The following CCDC6 variants were observed in gnomAD, a reference collection of about 807,000 sequenced individuals.
CCDC6 encodes coiled-coil domain-containing protein 6.
Under a neutral mutation model 56.6 loss-of-function variants are expected in CCDC6, and 20 were observed. The observed-to-expected ratio is 0.35, with a 90% CI of 0.25 to 0.51. CCDC6 has a LOEUF of 0.51. CCDC6 is among the 20% of genes least tolerant of loss of function. CCDC6 has a pLI of 0.95. For synonymous variants in CCDC6, 241 were observed against 234.4 expected, an observed-to-expected ratio of 1.03 and a Z score of -0.26; for missense variants, 367 against 601.1, an observed-to-expected ratio of 0.61 and a Z score of 4.07.
At chr10:59,886,639 A>G (rs866677563) in intron 1 of CCDC6, among the ~76,000 whole-genome samples, 1 of 152,246 alleles carries the variant, frequency 6.6e-6, no homozygotes, top group African/African-American at 2.4e-5. Context: ...TGACATCAAG[A>G]AACCATAAAA....
Position 59,798,991 on chromosome 10 carries a change from CAAAAAA to C in CCDC6, c.1106-4400_1106-4395del, listed in dbSNP as rs34505959. 1.7e-3 allele frequency among the ~76,000 whole-genome samples: 129 copies of C among 76,980 alleles called. 1 individual carries two copies. Among genetic ancestry groups the C allele is most frequent in the African/African-American group, 5.5e-3 (124 of 22,720 alleles). The allele number at this position is 76,980 out of a possible 152,430, so 50.5% of individuals were successfully genotyped here. A position where few individuals can be genotyped will look rare whatever the true frequency, so the allele number is the denominator to read the frequency against. ...CCTGCGCGACAGAGCAAGACTGTTTCAAAAAAAAAAAAAAAAAAAAAAAAAGTGGAT... is the reference window on the plus strand; with the variant it reads ...CCTGCGCGACAGAGCAAGACTGTTTCAAAAAAAAAAAAAAAAAAAGTGGAT... On this transcript the variant is annotated intron_variant, in intron 7 of 8. Transcript: ENST00000263102.
intron 7 of CCDC6, among the ~76,000 whole-genome samples, chr10:59,795,886 T>C (rs893014384): frequency 6.6e-6 from 1 of 152,110 alleles, no homozygotes; most frequent in Admixed American, 6.6e-5. Context: ...TTGTTGGACA[T>C]TTGGGTTGGT....
chr10:59,864,145 G>A (rs1449848133), intron 1 of CCDC6, among the ~76,000 whole-genome samples: 1 of 152,074 alleles, frequency 6.6e-6, no homozygotes, highest in Non-Finnish European at 1.5e-5. Flanking sequence ...TCTGAATCTG[G>A]GTCCTAAAAG....
At chr10:59,844,797 G>A (rs919383041) in intron 2 of CCDC6, among the ~76,000 whole-genome samples, 1 of 151,120 alleles carries the variant, frequency 6.6e-6, no homozygotes, top group African/African-American at 2.4e-5. Context: ...TTAGGCTCTG[G>A]CATATTGAAA....
chr10:59,898,563 T>C (rs2071480902), intron 1 of CCDC6, among the ~76,000 whole-genome samples: 1 of 152,294 alleles, frequency 6.6e-6, no homozygotes, highest in South Asian at 2.1e-4. Flanking sequence ...CACTGCACAA[T>C]CCCCAAGGCT....
chr10:59,804,709 C>A, intron 6 of CCDC6, 189 bp from the exon 7 acceptor site: 1 of 544,388 alleles, frequency 1.8e-6, no homozygotes, highest in Non-Finnish European at 3.3e-6. Flanking sequence ...TGACAAACCT[C>A]ACTCCAAGGG....
At chr10:59,840,025 C>T (rs1439504291) in intron 2 of CCDC6, among the ~76,000 whole-genome samples, 1 of 152,116 alleles carries the variant, frequency 6.6e-6, no homozygotes, top group East Asian at 1.9e-4. Context: ...GGGGTTTCAC[C>T]ATGTTGGCCA....
At chr10:59,890,578 T>C (rs2071414426) in intron 1 of CCDC6, among the ~76,000 whole-genome samples, 1 of 152,160 alleles carries the variant, frequency 6.6e-6, no homozygotes, top group Non-Finnish European at 1.5e-5. Context: ...AGTCACATCA[T>C]TTATCCCCAA....
At chr10:59,797,101 C>G (rs1238574318) in intron 7 of CCDC6, among the ~76,000 whole-genome samples, 1 of 151,904 alleles carries the variant, frequency 6.6e-6, no homozygotes, top group African/African-American at 2.4e-5. Flanking sequence ...CCATATGCAA[C>G]AACATATATT....
At chr10:59,902,956 T>C (rs1478815826) in intron 1 of CCDC6, among the ~76,000 whole-genome samples, 2 of 152,138 alleles carry the variant, frequency 1.3e-5, no homozygotes, top group Admixed American at 1.3e-4. Context: ...AAGAGATAAA[T>C]TATGATACAT....
chr10:59,902,448 C>G (rs1403112595), intron 1 of CCDC6, among the ~76,000 whole-genome samples: 1 of 133,218 alleles, frequency 7.5e-6, no homozygotes, highest in East Asian at 2.2e-4. Context: ...GACTGGAGTG[C>G]AGTGGTGCGA....
At chr10:59,834,922 C>T (rs1322669234) in intron 2 of CCDC6, among the ~76,000 whole-genome samples, 1 of 152,190 alleles carries the variant, frequency 6.6e-6, no homozygotes, top group Non-Finnish European at 1.5e-5. Flanking sequence ...TTCATCTGCG[C>T]CTAAGGCTTT....
At chr10:59,853,825 T>C (rs970193652) in intron 1 of CCDC6, among the ~76,000 whole-genome samples, 22 of 152,154 alleles carry the variant, frequency 1.4e-4, no homozygotes, top group African/African-American at 5.3e-4. Flanking sequence ...CATTATTCAA[T>C]GGAGATGAAA....
At chr10:59,795,251 C>T (rs529006050) in intron 7 of CCDC6, among the ~76,000 whole-genome samples, 3 of 152,090 alleles carry the variant, frequency 2.0e-5, no homozygotes, top group South Asian at 4.2e-4. Context: ...TAAGTAACTC[C>T]TATGACTCAA....
At position 59,792,449 on chromosome 10, in the gene CCDC6, C is replaced by A; in HGVS notation, c.*468G>T. The A allele has an allele frequency of 2.3e-6, 1 of 431,572 alleles. No individual in the cohort carries two copies. Among genetic ancestry groups the A allele is most frequent in the Middle Eastern group, 4.8e-4 (1 of 2,086 alleles). 26.7% of individuals were successfully genotyped at this position (431,572 alleles called of 1,614,324 possible). On this transcript the variant is annotated 3_prime_UTR_variant, in exon 9 of 9. Coordinates refer to ENST00000263102, the MANE Select transcript of CCDC6 (RefSeq NM_005436.5). ...CACTGAAAGCCAGATTTTCAAAGGTCTGAATTGTAGTGCTGAATTATTGGT... is the reference window on the plus strand; with the variant it reads ...CACTGAAAGCCAGATTTTCAAAGGTATGAATTGTAGTGCTGAATTATTGGT...
rs80016412 is a variant in CCDC6 at position 59,795,082 on chromosome 10, C to CA, written c.1106-486dup. ...GATTTCTTGGATATGACATAGGCAACAAAAAAAAAAAGCAAAAACAAATAC... is the reference window on the plus strand; with the variant it reads ...GATTTCTTGGATATGACATAGGCAACAAAAAAAAAAAAGCAAAAACAAATAC... On this transcript the variant is annotated intron_variant, in intron 7 of 8. Coordinates refer to ENST00000263102, the MANE Select transcript of CCDC6 (RefSeq NM_005436.5). Among the ~76,000 whole-genome samples, 109 of 143,690 alleles carry CA rather than the reference C, an allele frequency of 7.6e-4. 1 individual carries two copies. The East Asian group carries it at 9.3e-3, about 12-fold the overall frequency. 94.3% of individuals were successfully genotyped at this position (143,690 alleles called of 152,430 possible). A position where few individuals can be genotyped will look rare whatever the true frequency, so the allele number is the denominator to read the frequency against.
chr10:59,834,498 G>A (rs2070863745), intron 2 of CCDC6, among the ~76,000 whole-genome samples: 1 of 151,800 alleles, frequency 6.6e-6, no homozygotes, highest in Admixed American at 6.6e-5. Context: ...GGGAGGCGGA[G>A]GTTGCAGTGA....
chr10:59,875,221 G>A lies in CCDC6; in HGVS notation c.304-22519C>T, dbSNP rs1028016758. The stretch of plus-strand genomic sequence containing the variant: ...TAGAAGCACATAAACCAGAATAGAG[G>A]TGGTTGTGAGGGATGGCACTGATGA... On this transcript the variant is annotated intron_variant, in intron 1 of 8. Coordinates refer to ENST00000263102, the MANE Select transcript of CCDC6 (RefSeq NM_005436.5). Among the ~76,000 whole-genome samples, 23 of 152,182 alleles carry A rather than the reference G, an allele frequency of 1.5e-4. 1 individual carries two copies. The highest frequency in any genetic ancestry group is 1.5e-5 in the Non-Finnish European group (1 of 68,034).
intron 3 of CCDC6, 85 bp from the exon 4 acceptor site, chr10:59,814,840 T>C: frequency 2.4e-6 from 2 of 848,094 alleles, no homozygotes; most frequent in South Asian, 1.5e-5. Context: ...TTAGGACCCC[T>C]TTTCTTGGAG....
Sources: allele counts gnomAD v4.1 joint callset (sites outside exome capture counted in the v4.1 genomes callset), GRCh38; gene constraint gnomAD v4.1.1; transcripts MANE v1.5; gene names NCBI Gene and HGNC (gene_info 2026-07-23, HGNC 2026-07-21).